GDAP2: variants seen among roughly 807,000 people sequenced by gnomAD.
GDAP2 encodes ganglioside-induced differentiation-associated protein 2.
A neutral mutation model predicts 67.0 loss-of-function variants in GDAP2; 51 were observed. That is an observed-to-expected ratio of 0.76 (90% confidence interval 0.61 to 0.96). GDAP2 has a LOEUF of 0.96. GDAP2 is among the 40% of genes least tolerant of loss of function. The probability of loss-of-function intolerance (pLI) is 0.00; values close to 1 mark genes in which losing one functional copy is unlikely to be tolerated. For synonymous variants in GDAP2, 203 were observed against 207.3 expected (o/e 0.98, Z 0.18); for missense variants, 547 against 588.3 (o/e 0.93, Z 0.73).
chr1:117,896,231 T>C (rs1649256739), intron 8 of GDAP2, among the ~76,000 whole-genome samples: 1 of 152,226 alleles, frequency 6.6e-6, no homozygotes, highest in African/African-American at 2.4e-5. Flanking sequence ...CATTTATAGT[T>C]TGTTTACTTT....
chr1:117,924,158 G>C (rs991250374), intron 1 of GDAP2, among the ~76,000 whole-genome samples: 24 of 152,150 alleles, frequency 1.6e-4, no homozygotes, highest in African/African-American at 5.6e-4. Context: ...AGGTTCAGAG[G>C]TACATGTGCA....
chr1:117,878,153 CT>C lies in GDAP2; in HGVS notation c.1303-2del. 1 of 1,515,994 alleles carries C rather than the reference CT, an allele frequency of 6.6e-7. No individual in the cohort carries two copies. Among genetic ancestry groups the C allele is most frequent in the Non-Finnish European group, 9.0e-7 (1 of 1,109,454 alleles). The allele number at this position is 1,515,994 out of a possible 1,614,324, so 93.9% of individuals were successfully genotyped here. A position where few individuals can be genotyped will look rare whatever the true frequency, so the allele number is the denominator to read the frequency against. On this transcript the variant is annotated splice_acceptor_variant, in intron 12 of 13. Transcript: ENST00000369443. LOFTEE classifies it high-confidence loss of function. ...AGGTGGTAAAAAACCATGTTGACAC[CT>C]GATTAATAGAAGAGAAAAAATAATT...
At chr1:117,904,200 G>A (rs1372674754) in intron 6 of GDAP2, among the ~76,000 whole-genome samples, 2 of 151,970 alleles carry the variant, frequency 1.3e-5, no homozygotes, top group African/African-American at 2.4e-5. Flanking sequence ...TGTTGGCCAG[G>A]CAGGTCTTGA....
rs533771161 is a variant in GDAP2, at chr1:117,910,331, CT to C, written c.559+1662del. On this transcript the variant is annotated intron_variant, in intron 5 of 13. Transcript: ENST00000369443. ...TAAAGTAAGTGGAATTTACTTGTCC[CT>C]TTTAAAAATATATATTTCTTGAGCA... is the stretch of plus-strand genomic sequence containing the variant. Among the ~76,000 whole-genome samples the C allele has an allele frequency of 4.9e-4, 74 of 152,006 alleles. 1 individual carries two copies. Among genetic ancestry groups the C allele is most frequent in the Non-Finnish European group, 9.0e-4 (61 of 67,954 alleles).
chr1:117,874,281 G>A (rs568907100), intron 13 of GDAP2, among the ~76,000 whole-genome samples: 60 of 152,252 alleles, frequency 3.9e-4, no homozygotes, highest in South Asian at 1.2e-3. Flanking sequence ...CTGTCCTTGT[G>A]GTAATAAGTT....
At chr1:117,929,196 C>A (rs961529883) in intron 1 of GDAP2, among the ~76,000 whole-genome samples, 3 of 152,232 alleles carry the variant, frequency 2.0e-5, no homozygotes, top group Non-Finnish European at 4.4e-5. Context: ...TCCTTGGCTA[C>A]AGCACCACTG....
chr1:117,883,970 G>A (rs528382796), intron 10 of GDAP2, among the ~76,000 whole-genome samples: 1 of 152,232 alleles, frequency 6.6e-6, no homozygotes, highest in African/African-American at 2.4e-5. Flanking sequence ...CTCTCTCCAG[G>A]ACAATGATAT....
intron 1 of GDAP2, among the ~76,000 whole-genome samples, chr1:117,920,984 GGTGT>G (rs1299029017): frequency 1.3e-5 from 2 of 152,272 alleles, no homozygotes; most frequent in African/African-American, 4.8e-5. Context: ...TACAGGATAT[GGTGT>G]GTGAGACAGT....
chr1:117,925,323 T>C (rs1156945235), intron 1 of GDAP2, among the ~76,000 whole-genome samples: 9 of 152,094 alleles, frequency 5.9e-5, no homozygotes, highest in African/African-American at 1.4e-4. Context: ...TGTGGTGGCA[T>C]GCATCTGTAG....
chr1:117,876,000 G>A (rs1309584925), intron 13 of GDAP2, among the ~76,000 whole-genome samples: 1 of 152,134 alleles, frequency 6.6e-6, no homozygotes, highest in African/African-American at 2.4e-5. Flanking sequence ...TTTGGGGACT[G>A]CTGGGATGGA....
In GDAP2 at chr1:117,896,936, A is replaced by C. The variant is rs1649285646; in HGVS notation, c.850T>G (p.Ser284Ala). The C allele has an allele frequency of 1.9e-6, 3 of 1,612,040 alleles. No homozygotes were observed. In the East Asian group the frequency reaches 6.7e-5, roughly 36 times the overall value. Residue 284 changes from serine to alanine, a missense_variant, in exon 8 of 14, where the codon TCT (serine) becomes GCT (alanine). By Grantham distance (99) the Ser-to-Ala change is moderately conservative (BLOSUM62 1). Coordinates refer to ENST00000369443, the MANE Select transcript of GDAP2 (RefSeq NM_017686.4). ...CCTTCCATTCGAGCAAAAGCATGAG[A>C]GCCAATGAAAGAGAGATCAACTCCC... ...GLGVDLSFIG[S>A]HAFARMEGDI...
chr1:117,873,911 C>A (rs1648373125), intron 13 of GDAP2, among the ~76,000 whole-genome samples: 1 of 152,208 alleles, frequency 6.6e-6, no homozygotes, highest in Non-Finnish European at 1.5e-5. Flanking sequence ...TCTCGTTTCT[C>A]TGCCAGCCTT....
At chr1:117,896,147 A>G (rs2101135734) in intron 8 of GDAP2, among the ~76,000 whole-genome samples, 1 of 152,340 alleles carries the variant, frequency 6.6e-6, no homozygotes, top group Non-Finnish European at 1.5e-5. Context: ...TCATTACATT[A>G]CCTCATTTAA....
At chr1:117,877,395 T>C (rs900823667) in intron 13 of GDAP2, 2 of 980,374 alleles carry the variant, frequency 2.0e-6, no homozygotes, top group African/African-American at 3.5e-5. Flanking sequence ...CCAAGTGTGT[T>C]ACTTTTTTTT....
chr1:117,898,130 C>T (rs1356872965), intron 7 of GDAP2, among the ~76,000 whole-genome samples: 2 of 152,174 alleles, frequency 1.3e-5, no homozygotes, highest in African/African-American at 2.4e-5. Flanking sequence ...CTGTCCAGCA[C>T]TCAAAGTGGT....
Position 117,912,089 on chromosome 1 carries a change from CA to C in GDAP2, c.471-8del. The C allele has an allele frequency of 1.0e-5, 16 of 1,577,918 alleles. No individual in the cohort carries two copies. Among genetic ancestry groups the C allele is most frequent in the Non-Finnish European group, 1.4e-5 (16 of 1,147,340 alleles). ...AGAAGACATTGACTGCTCTCTGCAACAAAGGGAAAACACAAAAATTGCACTA... is the reference window on the plus strand; with the variant it reads ...AGAAGACATTGACTGCTCTCTGCAACAAGGGAAAACACAAAAATTGCACTA... On this transcript the variant is annotated splice_polypyrimidine_tract_variant and splice_region_variant and intron_variant, in intron 4 of 13. Transcript: ENST00000369443.
At chr1:117,877,927 AG>A (rs751150291) in intron 13 of GDAP2, 81 bp downstream of exon 13, 4 of 1,488,624 alleles carry the variant, frequency 2.7e-6, no homozygotes, top group South Asian at 1.5e-5. Flanking sequence ...TGGTAATGAC[AG>A]GATGTTGTGC....
chr1:117,898,382 A>T (rs1649331532), intron 7 of GDAP2, among the ~76,000 whole-genome samples: 1 of 152,204 alleles, frequency 6.6e-6, no homozygotes, highest in Non-Finnish European at 1.5e-5. Context: ...TGTACTTGTG[A>T]TAAAATCTTG....
Position 117,867,276 on chromosome 1 carries a change from A to T in GDAP2, c.*3293T>A, listed in dbSNP as rs1299405153. The T allele has an allele frequency of 1.3e-5, 2 of 152,138 alleles. No homozygotes were observed. Among genetic ancestry groups the T allele is most frequent in the African/African-American group, 4.8e-5 (2 of 41,428 alleles). The allele number at this position is 152,138 out of a possible 1,614,324, so 9.4% of individuals were successfully genotyped here. ...ACTATACTTATCCCTCTTTAAAAAG[A>T]AGTGATATTTTCAATTTCAGAAATT... On this transcript the variant is annotated 3_prime_UTR_variant, in exon 14 of 14. Transcript: ENST00000369443.
Sources: allele counts gnomAD v4.1 joint callset (sites outside exome capture counted in the v4.1 genomes callset), GRCh38; gene constraint gnomAD v4.1.1; transcripts MANE v1.5; gene names NCBI Gene and HGNC (gene_info 2026-07-23, HGNC 2026-07-21).